Variants in HEMK2 observed in about 807,000 individuals in gnomAD.
HEMK2 encodes the protein HemK methyltransferase 2, ETF1 glutamine and histone H4 lysine, also known as methyltransferase HEMK2.
At chr21:28,884,183 T>C in the HEMK2 span, among the ~76,000 whole-genome samples, 1 of 152,228 alleles carries the variant, frequency 6.6e-6, no homozygotes, top group Non-Finnish European at 1.5e-5. Flanking sequence ...AATCAGCTCC[T>C]TTTACAGCAT....
At chr21:28,606,195 C>A in the HEMK2 span, among the ~76,000 whole-genome samples, 4 of 149,568 alleles carry the variant, frequency 2.7e-5, no homozygotes, top group African/African-American at 4.9e-5. Context: ...AAGCCCCAAG[C>A]ATTCAAAATT....
the HEMK2 span, among the ~76,000 whole-genome samples, chr21:28,740,014 T>C: frequency 6.6e-6 from 1 of 152,206 alleles, no homozygotes. Context: ...AAGTTAGCAA[T>C]ATTTTTCATC....
chr21:28,581,132 C>T, the HEMK2 span, among the ~76,000 whole-genome samples: 1 of 151,978 alleles, frequency 6.6e-6, no homozygotes, highest in Non-Finnish European at 1.5e-5. Flanking sequence ...GCACTGGTTA[C>T]TACCTTGTCT....
the HEMK2 span, among the ~76,000 whole-genome samples, chr21:28,734,968 T>C: frequency 6.6e-6 from 1 of 152,200 alleles, no homozygotes; most frequent in East Asian, 1.9e-4. Flanking sequence ...CTCAGGCATC[T>C]GTGATCAACT....
chr21:28,634,572 C>T, the HEMK2 span, among the ~76,000 whole-genome samples: 8 of 152,296 alleles, frequency 5.3e-5, no homozygotes, highest in African/African-American at 1.9e-4. Context: ...CCTAGGTCAA[C>T]TACCTGTGTA....
chr21:28,882,809 G>A, the HEMK2 span, among the ~76,000 whole-genome samples: 443 of 152,248 alleles, frequency 2.9e-3, 2 homozygotes, highest in Middle Eastern at 6.8e-3. Flanking sequence ...CTACAATTAC[G>A]TAGTATGATG....
the HEMK2 span, chr21:28,671,184 T>A: frequency 6.6e-6 from 1 of 152,204 alleles, no homozygotes. Context: ...CTGTGATCCA[T>A]GTATTTCTCC....
At chr21:28,875,749 C>T in the HEMK2 span, 2 of 152,198 alleles carry the variant, frequency 1.3e-5, no homozygotes, top group Non-Finnish European at 2.9e-5. Context: ...TATCCTTCAC[C>T]GTAGAAGAAA....
chr21:28,863,442 A>G, the HEMK2 span, among the ~76,000 whole-genome samples: 7 of 86,192 alleles, frequency 8.1e-5, no homozygotes, highest in Admixed American at 1.1e-4. Context: ...ATATATATAT[A>G]TATATATATA....
chr21:28,788,862 G>A, the HEMK2 span, among the ~76,000 whole-genome samples: 2 of 152,116 alleles, frequency 1.3e-5, no homozygotes, highest in Non-Finnish European at 2.9e-5. Flanking sequence ...CTAATATAAT[G>A]AGTGATGTCC....
the HEMK2 span, among the ~76,000 whole-genome samples, chr21:28,764,864 A>G: frequency 6.7e-6 from 1 of 149,688 alleles, no homozygotes; most frequent in Non-Finnish European, 1.5e-5. Context: ...TCTGGACATG[A>G]GTATTACTAG....
chr21:28,717,372 A>G, the HEMK2 span, among the ~76,000 whole-genome samples: 1 of 151,732 alleles, frequency 6.6e-6, no homozygotes, highest in South Asian at 2.1e-4. Flanking sequence ...CTTTCCAGGA[A>G]CTTACCCATT....
the HEMK2 span, among the ~76,000 whole-genome samples, chr21:28,814,136 C>A: frequency 6.6e-6 from 1 of 152,060 alleles, no homozygotes; most frequent in African/African-American, 2.4e-5. Context: ...ACTTGAGAGG[C>A]TGAGGCAGGA....
chr21:28,879,588 A>G, the HEMK2 span, among the ~76,000 whole-genome samples: 4 of 152,246 alleles, frequency 2.6e-5, no homozygotes, highest in African/African-American at 9.6e-5. Context: ...TAAAGGATAC[A>G]TGTAATATAT....
chr21:28,587,237 C>T, the HEMK2 span, among the ~76,000 whole-genome samples: 1 of 151,316 alleles, frequency 6.6e-6, no homozygotes, highest in African/African-American at 2.4e-5. Context: ...CTCTAAACTA[C>T]TCATGCCAAT....
At chr21:28,824,747 C>G in the HEMK2 span, among the ~76,000 whole-genome samples, 1 of 152,150 alleles carries the variant, frequency 6.6e-6, no homozygotes, top group African/African-American at 2.4e-5. Flanking sequence ...CATCCACACT[C>G]CATAATGGAC....
At chr21:28,666,894 T>C in the HEMK2 span, among the ~76,000 whole-genome samples, 1 of 152,080 alleles carries the variant, frequency 6.6e-6, no homozygotes, top group Non-Finnish European at 1.5e-5. Context: ...TGGGAACAAA[T>C]AGAAAAAACT....
the HEMK2 span, among the ~76,000 whole-genome samples, chr21:28,806,251 T>C: frequency 6.6e-6 from 1 of 152,210 alleles, no homozygotes; most frequent in Non-Finnish European, 1.5e-5. Context: ...AATTATGGAA[T>C]TGTGGGCTTT....
At chr21:28,860,197 TG>T in the HEMK2 span, among the ~76,000 whole-genome samples, 5 of 152,050 alleles carry the variant, frequency 3.3e-5, no homozygotes, top group African/African-American at 1.2e-4. Context: ...ACCCTTAATC[TG>T]GGTGGGCACA....
Sources: gnomAD v4.1 joint callset for allele counts (sites outside exome capture counted in the v4.1 genomes callset) on GRCh38, gnomAD v4.1.1 for gene constraint, MANE v1.5 for transcripts, NCBI Gene and HGNC (gene_info 2026-07-23, HGNC 2026-07-21) for gene names.